The following TBX20 variants were observed in gnomAD, a reference collection of about 807,000 sequenced individuals.
TBX20 encodes T-box transcription factor 20, also known as T-box transcription factor TBX20.
TBX20 carries 8 observed loss-of-function variants against 42.9 expected under a neutral mutation model. That is an observed-to-expected ratio of 0.19 (90% CI 0.11 to 0.34). The LOEUF is 0.34. Among genes scored for constraint, TBX20 ranks in the 10% least tolerant of loss-of-function variants. TBX20 has a pLI of 1.00. For missense variants in TBX20, 411 were observed against 566.0 expected, an observed-to-expected ratio of 0.73 and a Z score of 2.78; for synonymous variants, 198 against 222.8, an observed-to-expected ratio of 0.89 and a Z score of 0.99.
intron 4 of TBX20, among the ~76,000 whole-genome samples, chr7:35,244,332 C>T (rs1169338413): frequency 6.6e-6 from 1 of 152,130 alleles, no homozygotes; most frequent in Non-Finnish European, 1.5e-5. Flanking sequence ...CTTTTTTCCA[C>T]ATTTTCATAA....
At chr7:35,215,665 A>C (rs1789577210) in intron 6 of TBX20, among the ~76,000 whole-genome samples, 1 of 151,994 alleles carries the variant, frequency 6.6e-6, no homozygotes. Context: ...AATGCTAAAT[A>C]TTTTTTCTAG....
intron 6 of TBX20, among the ~76,000 whole-genome samples, chr7:35,221,264 T>C (rs1407872958): frequency 5.3e-5 from 5 of 93,488 alleles, no homozygotes; most frequent in Non-Finnish European, 8.7e-5. Context: ...TCCTATTATA[T>C]AGGACAACAA....
intron 5 of TBX20, 31 bp downstream of exon 5, chr7:35,240,848 G>A (rs373891659): frequency 3.1e-6 from 5 of 1,603,192 alleles, no homozygotes; most frequent in South Asian, 1.1e-5. Flanking sequence ...CTTCTCTTAT[G>A]CAGGAACTAA....
Position 35,253,649 on chromosome 7 carries a change from A to G in TBX20, c.-29T>C. The G allele has an allele frequency of 6.2e-7, 1 of 1,604,962 alleles. No individual in the cohort carries two copies. Among genetic ancestry groups the G allele is most frequent in the Non-Finnish European group, 8.5e-7 (1 of 1,176,482 alleles). On this transcript the variant is annotated 5_prime_UTR_variant, in exon 1 of 8. Transcript: ENST00000408931. ...CCCCAGCACGCGGTCCTGGCCAGGG[A>G]CGGGGTCGTCCGAACTGCCGTCCAG...
chr7:35,252,414 G>T (rs1344691726), intron 1 of TBX20, among the ~76,000 whole-genome samples: 4 of 151,058 alleles, frequency 2.6e-5, no homozygotes, highest in Non-Finnish European at 5.9e-5. Context: ...GTTTTCTACA[G>T]ATCTACTAGT....
intron 5 of TBX20, among the ~76,000 whole-genome samples, chr7:35,239,373 C>T (rs1274921682): frequency 6.6e-6 from 1 of 152,172 alleles, no homozygotes; most frequent in Non-Finnish European, 1.5e-5. Flanking sequence ...AACATCAAGA[C>T]AAGAGGAGAG....
Position 35,248,735 on chromosome 7 carries a change from C to A in TBX20, c.487G>T (p.Ala163Ser), listed in dbSNP as rs1215522044. ...VPVDNKRYRY[A>S]YHRSSWLVAG... ...ACCAGCCAGGAGGACCGGTGGTAGG[C>A]GTAGCGGTACCTCTTGTTGTCCACA... The change falls in exon 3 of 8, where the codon GCC becomes TCC. Residue 163 changes from alanine to serine, a missense_variant. Ala to Ser is a moderately conservative substitution (Grantham distance 99, BLOSUM62 1). Around this residue, in one of 5 missense-constraint regions of TBX20, gnomAD observed 121 missense variants for 165.9 expected, o/e 0.73. Transcript: ENST00000408931. 2 of 1,614,106 alleles carry A rather than the reference C, an allele frequency of 1.2e-6. No homozygotes were observed. Among genetic ancestry groups the A allele is most frequent in the Non-Finnish European group, 1.7e-6 (2 of 1,180,020 alleles).
rs549196708 is a variant in TBX20 at position 35,213,924 on chromosome 7, G to C, written c.891-9342C>G. Among the ~76,000 whole-genome samples, 9 of 147,974 alleles carry C rather than the reference G, an allele frequency of 6.1e-5. No individual in the cohort carries two copies. The South Asian group carries it at 1.9e-3, about 31-fold the overall frequency. ...AAATTCCCTGTCTAATGAGTGATGA[G>C]GGTAAAGGGAAGACTGGGAGTTGGG... On this transcript the variant is annotated intron_variant, in intron 6 of 7. Coordinates refer to ENST00000408931, the MANE Select transcript of TBX20 (RefSeq NM_001077653.2).
chr7:35,218,177 A>G (rs1015437578), intron 6 of TBX20, among the ~76,000 whole-genome samples: 3 of 152,226 alleles, frequency 2.0e-5, no homozygotes, highest in African/African-American at 7.2e-5. Flanking sequence ...GGGCTTTGGT[A>G]TCTTCCATAA....
At chr7:35,247,886 A>C (rs1201117948) in intron 3 of TBX20, among the ~76,000 whole-genome samples, 1 of 152,218 alleles carries the variant, frequency 6.6e-6, no homozygotes, top group African/African-American at 2.4e-5. Flanking sequence ...CTGTAACTTC[A>C]TCTATTATTC....
At chr7:35,238,441 A>C (rs143315790) in intron 5 of TBX20, among the ~76,000 whole-genome samples, 2,341 of 152,336 alleles carry the variant, frequency 0.015, 31 homozygotes, top group Non-Finnish European at 0.024. Flanking sequence ...AATTATGATA[A>C]AAGCAATGAG....
At chr7:35,237,717 T>C (rs1208779232) in intron 5 of TBX20, among the ~76,000 whole-genome samples, 1 of 152,078 alleles carries the variant, frequency 6.6e-6, no homozygotes, top group East Asian at 1.9e-4. Context: ...AAAAATCAAG[T>C]AGAAAAACAA....
At chr7:35,221,943 A>G (rs1789691032) in intron 6 of TBX20, among the ~76,000 whole-genome samples, 1 of 152,220 alleles carries the variant, frequency 6.6e-6, no homozygotes, top group South Asian at 2.1e-4. Context: ...TATTTAAACA[A>G]AAATTACTGG....
At chr7:35,226,644 A>T (rs191106120) in intron 6 of TBX20, among the ~76,000 whole-genome samples, 1 of 152,290 alleles carries the variant, frequency 6.6e-6, no homozygotes, top group Non-Finnish European at 1.5e-5. Context: ...AACGTTTCAC[A>T]TATATGAAAG....
intron 5 of TBX20, among the ~76,000 whole-genome samples, chr7:35,238,542 T>C (rs1790011344): frequency 6.6e-6 from 1 of 152,226 alleles, no homozygotes; most frequent in Non-Finnish European, 1.5e-5. Flanking sequence ...TATATTAGCA[T>C]GGTGTACATT....
chr7:35,249,751 T>C lies in TBX20; in HGVS notation c.380+200A>G, dbSNP rs558720332. 6.6e-6 allele frequency among the ~76,000 whole-genome samples: 1 copy of C among 152,290 alleles called. No homozygotes were observed. Among genetic ancestry groups the C allele is most frequent in the Non-Finnish European group, 1.5e-5 (1 of 68,020 alleles). On this transcript the variant is annotated intron_variant, in intron 2 of 7. Transcript: ENST00000408931. This position sits in a 1 kb window ranked among gnomAD's most constrained non-coding sequence, Gnocchi z 4.3. The stretch of plus-strand genomic sequence containing the variant: ...AACAAAGCCAGGGTGGGGCTTCCCA[T>C]GACCAAATCCTGAGAACGCAAATGA...
intron 5 of TBX20, among the ~76,000 whole-genome samples, chr7:35,232,483 A>C (rs1216980795): frequency 6.6e-6 from 1 of 152,238 alleles, no homozygotes; most frequent in Non-Finnish European, 1.5e-5. Context: ...CATCTAGCCC[A>C]TGGTCTTATC....
intron 5 of TBX20, among the ~76,000 whole-genome samples, chr7:35,233,996 T>A (rs1003731514): frequency 1.3e-5 from 2 of 152,222 alleles, no homozygotes. Context: ...CATGAAAATT[T>A]CAAACTGAAA....
rs1364154897 is a variant in TBX20, at chr7:35,204,498, C to T, written c.975G>A (p.Gly325=). The change falls in exon 7 of 8, where the codon GGG becomes GGA. Residue 325 remains glycine (G), a synonymous_variant. Coordinates refer to ENST00000408931, the MANE Select transcript of TBX20 (RefSeq NM_001077653.2). ...GATTTGGGGTTGTCTGACTCTCATC[C>T]CCCAAGACATCTTCTTCTCCTCCGT... ...RTYGGEEDVL[G]DESQTTPNRG... 4 of 1,613,904 alleles carry T rather than the reference C, an allele frequency of 2.5e-6. No homozygotes were observed. Among genetic ancestry groups the T allele is most frequent in the Non-Finnish European group, 3.4e-6 (4 of 1,179,918 alleles).
Sources: gnomAD v4.1 joint callset for allele counts (sites outside exome capture counted in the v4.1 genomes callset) on GRCh38, gnomAD v4.1.1 for gene constraint, gnomAD v4.1.1 regional missense constraint, Gnocchi (gnomAD v3.1) non-coding constraint, MANE v1.5 for transcripts, NCBI Gene and HGNC (gene_info 2026-07-23, HGNC 2026-07-21) for gene names.